Variants in LLGL2 observed in about 807,000 individuals in gnomAD.
LLGL2 encodes the protein LLGL2, scribble cell polarity complex component.
Under a neutral mutation model 123.2 loss-of-function variants are expected in LLGL2, and 81 were observed. The ratio of observed to expected loss-of-function variants is 0.66; its 90% confidence interval spans 0.55 to 0.79. The LOEUF (loss-of-function observed/expected upper bound fraction) is 0.79, where lower values mean the gene tolerates loss of function less well. Ranked by LOEUF, LLGL2 falls within the 30% of genes least tolerant of loss-of-function variation. The pLI is 0.00. For missense variants in LLGL2, 1,273 were observed against 1,414.6 expected (o/e 0.90, Z 1.61); for synonymous variants, 577 against 594.1 (o/e 0.97, Z 0.42).
intron 1 of LLGL2, chr17:75,538,752 C>T (rs565805959): frequency 2.0e-5 from 3 of 152,134 alleles, no homozygotes; most frequent in Admixed American, 6.6e-5. Context: ...AGCTTCAGGT[C>T]GGGGAGGGCG....
Position 75,564,401 on chromosome 17 carries a change from G to A in LLGL2, c.930G>A (p.Gly310=), listed in dbSNP as rs549720511. 380 of 1,613,074 alleles carry A rather than the reference G, an allele frequency of 2.4e-4. 5 individuals carry two copies. In the South Asian group the frequency reaches 3.8e-3, roughly 16 times the overall value. Residue 310 remains glycine, a synonymous_variant, in exon 10 of 26, where the codon GGG becomes GGA. Transcript: ENST00000392550. This position sits in a 1 kb window ranked among gnomAD's most constrained non-coding sequence, Gnocchi z 4.9. ...FQGGMPRASY[G]DRHCISVIHD... is the part of the protein sequence containing the mutation. ...GTGGCATGCCACGGGCCAGCTACGG[G>A]GACCGCCACTGCATCTCAGTGATCC...
At chr17:75,551,608 C>T (rs2054677999) in intron 2 of LLGL2, among the ~76,000 whole-genome samples, 1 of 152,080 alleles carries the variant, frequency 6.6e-6, no homozygotes, top group South Asian at 2.1e-4. Context: ...GATGCTGAGC[C>T]GAACAGGAGT....
At chr17:75,568,403 T>C in intron 10 of LLGL2, 73 bp from the exon 11 acceptor site, 1 of 1,541,310 alleles carries the variant, frequency 6.5e-7, no homozygotes, top group Non-Finnish European at 8.7e-7. Context: ...GCTCCAACCC[T>C]GGAGCTTCTG....
chr17:75,528,581 A>G (rs2053659911), intron 1 of LLGL2, among the ~76,000 whole-genome samples: 1 of 152,124 alleles, frequency 6.6e-6, no homozygotes, highest in East Asian at 1.9e-4. Flanking sequence ...TCTATTAAAC[A>G]TATAAAATCA....
intron 1 of LLGL2, among the ~76,000 whole-genome samples, chr17:75,537,636 G>A (rs371550554): frequency 6.6e-6 from 1 of 151,782 alleles, no homozygotes; most frequent in East Asian, 2.0e-4. Context: ...AAACACAGTT[G>A]CAGTGAGCTA....
intron 1 of LLGL2, among the ~76,000 whole-genome samples, chr17:75,528,323 G>A (rs2053647429): frequency 6.6e-6 from 1 of 152,058 alleles, no homozygotes; most frequent in South Asian, 2.1e-4. Context: ...CACTGTGTTA[G>A]CCAAGATGGT....
rs2054345224 is a variant in LLGL2, at chr17:75,544,612, T to G, written c.75+1111T>G. 6.6e-6 allele frequency among the ~76,000 whole-genome samples: 1 copy of G among 152,194 alleles called. No individual in the cohort carries two copies. Among genetic ancestry groups the G allele is most frequent in the Non-Finnish European group, 1.5e-5 (1 of 68,036 alleles). ...ACGTGGGGTGAGGTAACTTAAGTGCTAGGCACAGTGGCCCAGGAATGCTGG... is the reference window on the plus strand; with the variant it reads ...ACGTGGGGTGAGGTAACTTAAGTGCGAGGCACAGTGGCCCAGGAATGCTGG... On this transcript the variant is annotated intron_variant, in intron 2 of 25. Coordinates refer to ENST00000392550, the MANE Select transcript of LLGL2 (RefSeq NM_001031803.2). This position sits in a 1 kb window ranked among gnomAD's most constrained non-coding sequence, Gnocchi z 4.2.
At chr17:75,569,824 G>T in intron 14 of LLGL2, 139 bp from the exon 15 acceptor site, 1 of 840,616 alleles carries the variant, frequency 1.2e-6, no homozygotes, top group Non-Finnish European at 1.8e-6. Flanking sequence ...AAAAAATGCA[G>T]GAGAGCTGGG....
At position 75,570,510 on chromosome 17, in the gene LLGL2, G is replaced by A. The variant is rs545620385; in HGVS notation, c.2025+12G>A. On this transcript the variant is annotated intron_variant, in intron 16 of 25. Transcript: ENST00000392550. ...GCCCCCCAGGAGAGGTGAGGCCTGA[G>A]GTGAGGCTGCGGCCGGCCACGCACC... 2.8e-5 allele frequency: 44 copies of A among 1,562,946 alleles called. No homozygotes were observed. The highest frequency in any genetic ancestry group is 1.2e-4 in the South Asian group (10 of 85,222).
chr17:75,573,709 C>T (rs2055839708), intron 21 of LLGL2, 78 bp downstream of exon 21: 1 of 1,426,890 alleles, frequency 7.0e-7, no homozygotes, highest in Non-Finnish European at 9.4e-7. Context: ...GCTCCCACTG[C>T]TGCCTGGCTG....
In LLGL2 at chr17:75,563,804, G is replaced by T. The variant is rs567626540; in HGVS notation, c.879G>T (p.Gln293His). 8 of 1,613,946 alleles carry T rather than the reference G, an allele frequency of 5.0e-6. No homozygotes were observed. In the South Asian group the frequency reaches 8.8e-5, roughly 18 times the overall value. ...GAATCCTCTGGCTGACCACTAGGCA[G>T]GGGTAGGTATCCATGCTGGTCCTCT... ...ITRILWLTTR[Q>H]GLPFTIFQGG... Residue 293 changes from glutamine to histidine, a missense_variant and splice_region_variant, in exon 9 of 26, where the codon CAG becomes CAT. Coordinates refer to ENST00000392550, the MANE Select transcript of LLGL2 (RefSeq NM_001031803.2).
intron 2 of LLGL2, among the ~76,000 whole-genome samples, chr17:75,545,781 C>T (rs58360025): frequency 0.1 from 15,251 of 152,150 alleles, 993 homozygotes; most frequent in African/African-American, 0.16. Context: ...GACATTGCCC[C>T]GACTAAGATA....
rs376794715 is a variant in LLGL2 at position 75,547,646 on chromosome 17, G to A, written c.75+4145G>A. On this transcript the variant is annotated intron_variant, in intron 2 of 25. Transcript: ENST00000392550. ...TAGAGACCAGCCTGGCCAACATGGC[G>A]AAACCCCATCTCTACTAAAAATACA... Among the ~76,000 whole-genome samples, 51 of 152,212 alleles carry A rather than the reference G, an allele frequency of 3.4e-4. 1 individual carries two copies. In the South Asian group the frequency reaches 8.5e-3, roughly 25 times the overall value.
At position 75,549,783 on chromosome 17, in the gene LLGL2, G is replaced by T. The variant is rs1456449396; in HGVS notation, c.76-6263G>T. On this transcript the variant is annotated intron_variant, in intron 2 of 25. Transcript: ENST00000392550. The surrounding 1 kb of genome is among the most constrained non-coding windows in gnomAD (Gnocchi z 4.0). ...CCTCAGGTCCTAGCCCTTGGGCAGG[G>T]TCCTCCCTGGCTGCAGGCAGGATGA... Among the ~76,000 whole-genome samples, 1 of 152,196 alleles carries T rather than the reference G, an allele frequency of 6.6e-6. No individual in the cohort carries two copies. Among genetic ancestry groups the T allele is most frequent in the Non-Finnish European group, 1.5e-5 (1 of 68,034 alleles).
At position 75,563,034 on chromosome 17, in the gene LLGL2, C is replaced by T; in HGVS notation, c.549C>T (p.Arg183=). ...AVLQRLPEEA[R]HRRVFEMVEA... is the part of the protein sequence containing the mutation. ...CGCCCAGGTTGCCAGAGGAGGCCCG[C>T]CACCGGCGTGTGTTCGAGATGGTGG... Residue 183 remains arginine, a synonymous_variant, in exon 7 of 26, where the codon CGC becomes CGT. Transcript: ENST00000392550. 1 of 1,612,528 alleles carries T rather than the reference C, an allele frequency of 6.2e-7. No individual in the cohort carries two copies. The highest frequency in any genetic ancestry group is 8.5e-7 in the Non-Finnish European group (1 of 1,180,010).
At position 75,558,536 on chromosome 17, in the gene LLGL2, GACA is replaced by G. The variant is rs1167327292; in HGVS notation, c.284_286del (p.Asn95del). The G allele has an allele frequency of 6.2e-7, 1 of 1,606,700 alleles. No individual in the cohort carries two copies. The highest frequency in any genetic ancestry group is 1.7e-5 in the Admixed American group (1 of 59,246). On this transcript the variant is annotated inframe_deletion, in exon 5 of 26. Transcript: ENST00000392550. The surrounding 1 kb of genome is among the most constrained non-coding windows in gnomAD (Gnocchi z 4.0). Reference sequence around the variant, plus strand: ...GTGCCAGCTGGTCACCCTGCTGGATGACAACAGCCTGCACCTTTGGAGCCTGAA... The same window carrying G: ...GTGCCAGCTGGTCACCCTGCTGGATGACAGCCTGCACCTTTGGAGCCTGAA...
At chr17:75,557,934 G>A (rs1217145020) in intron 3 of LLGL2, 1 of 624,458 alleles carries the variant, frequency 1.6e-6, no homozygotes, top group Non-Finnish European at 2.9e-6. Flanking sequence ...GGCCTGACTG[G>A]GAAAAATCTC....
chr17:75,530,971 C>A (rs773955112), intron 1 of LLGL2, among the ~76,000 whole-genome samples: 7 of 152,084 alleles, frequency 4.6e-5, no homozygotes, highest in African/African-American at 7.2e-5. Flanking sequence ...AGAGTGAGAG[C>A]CGGTTGCCTG....
intron 2 of LLGL2, among the ~76,000 whole-genome samples, chr17:75,548,838 C>T (rs545316132): frequency 1.3e-5 from 2 of 152,034 alleles, no homozygotes; most frequent in Non-Finnish European, 2.9e-5. Context: ...GTGGTATGTC[C>T]TGAGTTCCAA....
Sources: gnomAD v4.1 joint callset for allele counts (sites outside exome capture counted in the v4.1 genomes callset) on GRCh38, gnomAD v4.1.1 for gene constraint, Gnocchi (gnomAD v3.1) non-coding constraint, MANE v1.5 for transcripts, NCBI Gene and HGNC (gene_info 2026-07-23, HGNC 2026-07-21) for gene names.